HPSE2: variants seen among roughly 807,000 people sequenced by gnomAD.
HPSE2 encodes the protein inactive heparanase-2.
HPSE2 carries 38 observed loss-of-function variants against 60.5 expected under a neutral mutation model. The observed-to-expected ratio is 0.63, with a 90% CI of 0.48 to 0.82. The LOEUF is 0.82. Ranked by LOEUF, HPSE2 falls within the 40% of genes least tolerant of loss-of-function variation. The pLI is 0.00. For missense variants in HPSE2, 713 were observed against 740.4 expected, an observed-to-expected ratio of 0.96 and a Z score of 0.43; for synonymous variants, 295 against 293.2, an observed-to-expected ratio of 1.01 and a Z score of -0.06.
intron 6 of HPSE2, among the ~76,000 whole-genome samples, chr10:98,676,639 A>G (rs1026148088): frequency 6.6e-6 from 1 of 152,112 alleles, no homozygotes; most frequent in Non-Finnish European, 1.5e-5. Context: ...TTTGGCAGGG[A>G]GTGTAGAGGA....
chr10:99,301,266 A>G, the HPSE2 span, among the ~76,000 whole-genome samples: 1 of 152,220 alleles, frequency 6.6e-6, no homozygotes, highest in Non-Finnish European at 1.5e-5. Context: ...TAAGGGAACT[A>G]CAGTAAACTA....
chr10:99,022,641 T>A (rs987648196), intron 3 of HPSE2, among the ~76,000 whole-genome samples: 5 of 152,044 alleles, frequency 3.3e-5, no homozygotes, highest in Admixed American at 3.3e-4. Flanking sequence ...TTGTCTTGCA[T>A]CTTGGATACC....
intron 2 of HPSE2, among the ~76,000 whole-genome samples, chr10:99,193,397 A>AT (rs1329890630): frequency 1.3e-5 from 2 of 152,154 alleles, no homozygotes; most frequent in African/African-American, 2.4e-5. Context: ...TAGAAAACAC[A>AT]TAACAAAATG....
At chr10:99,222,214 A>C (rs1243968100) in intron 2 of HPSE2, among the ~76,000 whole-genome samples, 1 of 152,114 alleles carries the variant, frequency 6.6e-6, no homozygotes, top group Non-Finnish European at 1.5e-5. Context: ...AATGAAAATC[A>C]CCAGCTTTGG....
At chr10:98,910,587 G>A (rs1178062864) in intron 3 of HPSE2, among the ~76,000 whole-genome samples, 1 of 152,126 alleles carries the variant, frequency 6.6e-6, no homozygotes, top group African/African-American at 2.4e-5. Context: ...ACAGAAGAAG[G>A]CTTTAGAGGC....
rs973992340 is a variant in HPSE2 at position 99,029,451 on chromosome 10, C to A, written c.610+114787G>T. 7.9e-5 allele frequency among the ~76,000 whole-genome samples: 12 copies of A among 152,280 alleles called. 1 individual carries two copies. In the South Asian group the frequency reaches 2.5e-3, roughly 32 times the overall value. ...ACCAATGCGCAGAGACCGGTAGTGG[C>A]CCCAAATGTCTGGCTGCGCTGTTAT... On this transcript the variant is annotated intron_variant, in intron 3 of 11. Coordinates refer to ENST00000370552, the MANE Select transcript of HPSE2 (RefSeq NM_021828.5).
chr10:98,600,911 G>GTATATATGTGTGTGTA (rs576143051), intron 9 of HPSE2, among the ~76,000 whole-genome samples: 3 of 73,720 alleles, frequency 4.1e-5, no homozygotes, highest in East Asian at 8.1e-4. Flanking sequence ...ATGTGTGTGT[G>GTATATATGTGTGTGTA]TATATATATA....
chr10:98,598,182 T>G (rs879040253), intron 9 of HPSE2, among the ~76,000 whole-genome samples: 3 of 152,154 alleles, frequency 2.0e-5, no homozygotes, highest in African/African-American at 4.8e-5. Flanking sequence ...TCTGCACATT[T>G]TGAAGAAGTA....
At chr10:98,793,665 T>C (rs1365926232) in intron 3 of HPSE2, among the ~76,000 whole-genome samples, 1 of 152,224 alleles carries the variant, frequency 6.6e-6, no homozygotes, top group South Asian at 2.1e-4. Flanking sequence ...GTTAATGTAA[T>C]TGATAATGTA....
chr10:98,930,598 A>T (rs973825588), intron 3 of HPSE2, among the ~76,000 whole-genome samples: 2 of 144,594 alleles, frequency 1.4e-5, no homozygotes, highest in Non-Finnish European at 1.5e-5. Flanking sequence ...TTACATTCCC[A>T]CCAACAGTGT....
chr10:98,645,349 C>A (rs955538996), intron 6 of HPSE2, among the ~76,000 whole-genome samples: 5 of 152,194 alleles, frequency 3.3e-5, no homozygotes, highest in African/African-American at 4.8e-5. Context: ...ATGGCCAAAG[C>A]CATGGCTGCA....
chr10:98,535,128 G>A (rs575510703), intron 9 of HPSE2, among the ~76,000 whole-genome samples: 7 of 152,202 alleles, frequency 4.6e-5, no homozygotes, highest in African/African-American at 1.4e-4. Context: ...TTTCCTATCC[G>A]TGAATGTCCG....
chr10:99,195,107 G>A (rs888174596), intron 2 of HPSE2, among the ~76,000 whole-genome samples: 1 of 152,024 alleles, frequency 6.6e-6, no homozygotes, highest in Non-Finnish European at 1.5e-5. Context: ...GATACATCAT[G>A]TCAACAAAAA....
At chr10:99,181,449 C>T (rs1847775140) in intron 2 of HPSE2, among the ~76,000 whole-genome samples, 1 of 149,100 alleles carries the variant, frequency 6.7e-6, no homozygotes, top group South Asian at 2.1e-4. Context: ...GTTTATGGCA[C>T]TGTCCACAAT....
At chr10:98,860,368 T>C (rs186441134) in intron 3 of HPSE2, among the ~76,000 whole-genome samples, 1 of 152,298 alleles carries the variant, frequency 6.6e-6, no homozygotes, top group African/African-American at 2.4e-5. Context: ...TATCAGAACA[T>C]ACTTTTCAAA....
intron 6 of HPSE2, among the ~76,000 whole-genome samples, chr10:98,684,630 A>T (rs993611598): frequency 2.0e-5 from 3 of 152,138 alleles, no homozygotes; most frequent in Non-Finnish European, 4.4e-5. Context: ...AATGGTTAGG[A>T]GGTATGAGAG....
At chr10:98,813,888 T>C (rs996161889) in intron 3 of HPSE2, among the ~76,000 whole-genome samples, 2 of 152,220 alleles carry the variant, frequency 1.3e-5, no homozygotes, top group Non-Finnish European at 2.9e-5. Context: ...AGGTACAAGA[T>C]GGTCCTTACA....
At chr10:98,858,491 A>C (rs1564615418) in intron 3 of HPSE2, among the ~76,000 whole-genome samples, 1 of 152,158 alleles carries the variant, frequency 6.6e-6, no homozygotes, top group Non-Finnish European at 1.5e-5. Context: ...TTAATGCCAC[A>C]ATTTTCATTA....
intron 2 of HPSE2, among the ~76,000 whole-genome samples, chr10:99,215,351 C>CT (rs1200824268): frequency 2.0e-5 from 3 of 152,158 alleles, no homozygotes; most frequent in African/African-American, 7.2e-5. Context: ...CTTCAGCAAA[C>CT]TAACACAGGA....
Sources: allele counts gnomAD v4.1 joint callset (sites outside exome capture counted in the v4.1 genomes callset), GRCh38; gene constraint gnomAD v4.1.1; transcripts MANE v1.5; gene names NCBI Gene and HGNC (gene_info 2026-07-23, HGNC 2026-07-21).